Variants in MUSK observed in about 807,000 individuals in gnomAD.
The protein encoded by MUSK is muscle associated receptor tyrosine kinase.
A neutral mutation model predicts 88.7 loss-of-function variants in MUSK; 55 were observed. The observed-to-expected ratio is 0.62, with a 90% CI of 0.50 to 0.78. The LOEUF is 0.78. MUSK is among the 30% of genes least tolerant of loss of function. The pLI, the probability that MUSK is intolerant of heterozygous loss-of-function variation, is 0.00. For missense variants in MUSK, 1,015 were observed against 1,074.3 expected (o/e 0.94, Z 0.77); for synonymous variants, 387 against 391.9 (o/e 0.99, Z 0.15).
At chr9:110,686,881 T>C (rs1323787482) in intron 2 of MUSK, among the ~76,000 whole-genome samples, 1 of 152,152 alleles carries the variant, frequency 6.6e-6, no homozygotes, top group Non-Finnish European at 1.5e-5. Flanking sequence ...GGCATCACCC[T>C]TTGAAAGCAT....
rs917336703 is a variant in MUSK at position 110,787,855 on chromosome 9, G to A, written c.1927+17G>A. On this transcript the variant is annotated intron_variant, in intron 14 of 14. Transcript: ENST00000374448. ...AGCTATTAGGTATGAAAATACAAGT[G>A]AGGATATGTATTTCATCAGAAAACA... 4 of 1,602,012 alleles carry A rather than the reference G, an allele frequency of 2.5e-6. No homozygotes were observed. Among genetic ancestry groups the A allele is most frequent in the Admixed American group, 1.7e-5 (1 of 57,960 alleles).
intron 2 of MUSK, among the ~76,000 whole-genome samples, chr9:110,684,416 A>G (rs2076168854): frequency 6.6e-6 from 1 of 151,956 alleles, no homozygotes; most frequent in Non-Finnish European, 1.5e-5. Context: ...AAGTAAGGCA[A>G]TGTGATTCCT....
intron 3 of MUSK, among the ~76,000 whole-genome samples, chr9:110,691,893 T>C (rs1307366215): frequency 6.6e-6 from 1 of 152,160 alleles, no homozygotes; most frequent in East Asian, 1.9e-4. Context: ...TGTTGGATAA[T>C]AATTTTGCTG....
chr9:110,706,296 T>A (rs2076597473), intron 5 of MUSK: 1 of 314,364 alleles, frequency 3.2e-6, no homozygotes, highest in Non-Finnish European at 6.3e-6. Context: ...TTCAGTGAGA[T>A]GATGCCACCT....
rs1564209476 is a variant in MUSK at position 110,681,045 on chromosome 9, A to AT, written c.80-1628dup. 5.8e-4 allele frequency among the ~76,000 whole-genome samples: 12 copies of AT among 20,532 alleles called. 1 individual carries two copies. Among genetic ancestry groups the AT allele is most frequent in the South Asian group, 5.5e-3 (7 of 1,284 alleles). 13.5% of individuals were successfully genotyped at this position (20,532 alleles called of 152,430 possible). A position where few individuals can be genotyped will look rare whatever the true frequency, so the allele number is the denominator to read the frequency against. ...TATTATATATTATATATTATATAAT[A>AT]TATATTATATATTATATATATAATA... On this transcript the variant is annotated intron_variant, in intron 1 of 14. Transcript: ENST00000374448.
At position 110,800,771 on chromosome 9, in the gene MUSK, A is replaced by G. The variant is rs188840021; in HGVS notation, c.2393A>G (p.Tyr798Cys). ...YGVVLWEIFSYGLQPYYGMAH... is the reference protein window; with the variant it reads ...YGVVLWEIFSCGLQPYYGMAH... ...GTGGTCCTCTGGGAGATCTTCTCCT[A>G]TGGCCTGCAGCCCTACTATGGGATG... Residue 798 changes from tyrosine to cysteine, a missense_variant, in exon 15 of 15, where the codon TAT (tyrosine) becomes TGT (cysteine). Transcript: ENST00000374448. The G allele has an allele frequency of 1.2e-4, 187 of 1,614,024 alleles. No homozygotes were observed. Among genetic ancestry groups the G allele is most frequent in the African/African-American group, 1.0e-3 (78 of 75,054 alleles).
chr9:110,757,324 C>A (rs1267241452), intron 7 of MUSK, among the ~76,000 whole-genome samples: 2 of 151,730 alleles, frequency 1.3e-5, no homozygotes, highest in East Asian at 3.9e-4. Flanking sequence ...CCAGGCAGGG[C>A]AGCAGGTGCC....
chr9:110,747,729 C>T lies in MUSK; in HGVS notation c.842C>T (p.Thr281Ile), dbSNP rs1281615771. The T allele has an allele frequency of 2.5e-6, 4 of 1,613,900 alleles. No homozygotes were observed. Among genetic ancestry groups the T allele is most frequent in the South Asian group, 1.1e-5 (1 of 91,074 alleles). Residue 281 changes from threonine to isoleucine, a missense_variant, in exon 7 of 15, where the codon ACA (threonine) becomes ATA (isoleucine). Transcript: ENST00000374448. The stretch of plus-strand genomic sequence containing the variant: ...TTTATCACCAAGCCAGGACTCTACA[C>T]ATGCATAGCTACCAATAAGCATGGG... The part of the protein sequence containing the change: ...QLFITKPGLY[T>I]CIATNKHGEK...
At chr9:110,671,437 T>A (rs187712395) in intron 1 of MUSK, among the ~76,000 whole-genome samples, 1 of 152,210 alleles carries the variant, frequency 6.6e-6, no homozygotes, top group South Asian at 2.1e-4. Flanking sequence ...AATTGTACAA[T>A]ATGTATTAGC....
At chr9:110,783,714 A>G (rs2077803472) in intron 11 of MUSK, among the ~76,000 whole-genome samples, 1 of 151,494 alleles carries the variant, frequency 6.6e-6, no homozygotes, top group Non-Finnish European at 1.5e-5. Context: ...TTTATTACCT[A>G]TTATCTTTTG....
At chr9:110,755,110 G>A (rs964277105) in intron 7 of MUSK, among the ~76,000 whole-genome samples, 2 of 152,050 alleles carry the variant, frequency 1.3e-5, no homozygotes, top group Admixed American at 6.5e-5. Context: ...AAATTATCTC[G>A]CAGTTGGAGT....
intron 7 of MUSK, among the ~76,000 whole-genome samples, chr9:110,748,694 C>T (rs2077209359): frequency 6.6e-6 from 1 of 152,090 alleles, no homozygotes. Flanking sequence ...GGGCCAACTC[C>T]CCACAGCCTG....
At chr9:110,767,596 A>G (rs899954258) in intron 8 of MUSK, among the ~76,000 whole-genome samples, 2 of 152,180 alleles carry the variant, frequency 1.3e-5, no homozygotes, top group Non-Finnish European at 2.9e-5. Flanking sequence ...TTCCACATCT[A>G]TCGTCACATT....
intron 14 of MUSK, among the ~76,000 whole-genome samples, chr9:110,790,410 G>A (rs1045560577): frequency 6.6e-6 from 1 of 152,216 alleles, no homozygotes; most frequent in African/African-American, 2.4e-5. Context: ...TTCCTTTCAT[G>A]TGGAAGTAAT....
At chr9:110,768,174 G>A in intron 9 of MUSK, 91 bp downstream of exon 9, 1 of 1,297,890 alleles carries the variant, frequency 7.7e-7, no homozygotes, top group Non-Finnish European at 1.1e-6. Flanking sequence ...ATATGCAACA[G>A]TAAAAGGAAA....
At position 110,687,214 on chromosome 9, in the gene MUSK, A is replaced by AGT; in HGVS notation, c.304_305insGT (p.Asn102SerfsTer17). 1 of 1,613,934 alleles carries AGT rather than the reference A, an allele frequency of 6.2e-7. No homozygotes were observed. Among genetic ancestry groups the AGT allele is most frequent in the Non-Finnish European group, 8.5e-7 (1 of 1,179,828 alleles). Reference sequence around the variant, plus strand: ...TGATGGCATTTACTGCTGCACGGCCAACAATGGTGTGGGAGGAGCTGTGGA... The same window carrying AGT: ...TGATGGCATTTACTGCTGCACGGCCAGTACAATGGTGTGGGAGGAGCTGTGGA... On this transcript the variant is annotated frameshift_variant, in exon 3 of 15. Coordinates refer to ENST00000374448, the MANE Select transcript of MUSK (RefSeq NM_005592.4). LOFTEE classifies it high-confidence loss of function.
chr9:110,699,605 A>G (rs2076475507), intron 5 of MUSK, among the ~76,000 whole-genome samples: 2 of 152,142 alleles, frequency 1.3e-5, no homozygotes, highest in South Asian at 4.1e-4. Flanking sequence ...GGCTAACTCA[A>G]CCTACAACTC....
rs1367050698 is a variant in MUSK, at chr9:110,802,282, G to C, written c.*1294G>C. 6.6e-5 allele frequency among the ~76,000 whole-genome samples: 10 copies of C among 151,870 alleles called. No individual in the cohort carries two copies. The highest frequency in any genetic ancestry group is 1.3e-4 in the Non-Finnish European group (9 of 67,998). ...TCCTGGGGGTTCAGATTTTTTCTCA[G>C]TGGATCCTCACACAATACATCTTTA... On this transcript the variant is annotated 3_prime_UTR_variant, in exon 15 of 15. Coordinates refer to ENST00000374448, the MANE Select transcript of MUSK (RefSeq NM_005592.4).
At chr9:110,682,642 A>G in intron 1 of MUSK, 32 bp from the exon 2 acceptor site, 1 of 1,604,872 alleles carries the variant, frequency 6.2e-7, no homozygotes, top group Non-Finnish European at 8.5e-7. Flanking sequence ...AAATTCTAGA[A>G]TGTTCTCTTT....
Sources: allele counts gnomAD v4.1 joint callset (sites outside exome capture counted in the v4.1 genomes callset), GRCh38; gene constraint gnomAD v4.1.1; transcripts MANE v1.5; gene names NCBI Gene and HGNC (gene_info 2026-07-23, HGNC 2026-07-21).